Variants in CACUL1 observed in about 807,000 individuals in gnomAD.
CACUL1 encodes the protein CDK2-associated and cullin domain-containing protein 1.
CACUL1 carries 13 observed loss-of-function variants against 45.2 expected under a neutral mutation model. The observed-to-expected ratio is 0.29, with a 90% CI of 0.19 to 0.46. The LOEUF (loss-of-function observed/expected upper bound fraction) is 0.46, where lower values mean the gene tolerates loss of function less well. Among genes scored for constraint, CACUL1 ranks in the 20% least tolerant of loss-of-function variants. CACUL1 has a pLI of 1.00. For synonymous variants in CACUL1, 197 were observed against 174.2 expected, an observed-to-expected ratio of 1.13 and a Z score of -1.03; for missense variants, 421 against 471.4, an observed-to-expected ratio of 0.89 and a Z score of 0.99.
In CACUL1 at chr10:118,683,389, C is replaced by CAAAAAAAAAAA. The variant is rs34473974; in HGVS notation, c.*2728_*2738dup. 2 of 105,714 alleles carry CAAAAAAAAAAA rather than the reference C, an allele frequency of 1.9e-5. No homozygotes were observed. Among genetic ancestry groups the CAAAAAAAAAAA allele is most frequent in the Admixed American group, 1.1e-4 (1 of 9,378 alleles). The allele number at this position is 105,714 out of a possible 1,614,324, so 6.5% of individuals were successfully genotyped here. ...ACCATATACTGTACTGGCAAGAATA[C>CAAAAAAAAAAA]AAAAAAAAAAAAAAAAAAGGCCAGG... On this transcript the variant is annotated 3_prime_UTR_variant, in exon 9 of 9. Coordinates refer to ENST00000369151, the MANE Select transcript of CACUL1 (RefSeq NM_153810.5).
At chr10:118,744,144 G>A (rs1468575888) in intron 1 of CACUL1, among the ~76,000 whole-genome samples, 2 of 152,156 alleles carry the variant, frequency 1.3e-5, no homozygotes, top group African/African-American at 4.8e-5. Flanking sequence ...CTAGCACTTT[G>A]GGAGGCCGAG....
intron 3 of CACUL1, among the ~76,000 whole-genome samples, chr10:118,717,170 C>T (rs1845554801): frequency 6.6e-6 from 1 of 152,156 alleles, no homozygotes; most frequent in Admixed American, 6.6e-5. Context: ...AACCCTACAC[C>T]TTAAGCCTCT....
At chr10:118,701,685 A>G (rs1262468478) in intron 4 of CACUL1, among the ~76,000 whole-genome samples, 8 of 152,218 alleles carry the variant, frequency 5.3e-5, no homozygotes, top group Admixed American at 5.2e-4. Context: ...TTGTAGAATC[A>G]CACTGTGTGG....
chr10:118,704,284 C>A (rs1373923383), intron 4 of CACUL1, among the ~76,000 whole-genome samples: 3 of 152,148 alleles, frequency 2.0e-5, no homozygotes, highest in Non-Finnish European at 4.4e-5. Flanking sequence ...TCTGAAATGT[C>A]ACCTTTCTAC....
chr10:118,740,437 C>A (rs188581127), intron 1 of CACUL1, among the ~76,000 whole-genome samples: 329 of 151,970 alleles, frequency 2.2e-3, no homozygotes, highest in Non-Finnish European at 3.8e-3. Context: ...TGGCAAAACC[C>A]CATCTCTACT....
At chr10:118,745,956 G>A (rs544119920) in intron 1 of CACUL1, among the ~76,000 whole-genome samples, 4 of 149,852 alleles carry the variant, frequency 2.7e-5, no homozygotes, top group Non-Finnish European at 5.9e-5. Flanking sequence ...GGCTAATACG[G>A]TGAAACCCCA....
intron 3 of CACUL1, among the ~76,000 whole-genome samples, chr10:118,712,061 CAAG>C (rs1167765518): frequency 6.6e-6 from 1 of 152,232 alleles, no homozygotes; most frequent in African/African-American, 2.4e-5. Context: ...CCTGAACAAG[CAAG>C]CTTTGCTTTT....
chr10:118,704,164 A>C (rs1219659185), intron 4 of CACUL1, among the ~76,000 whole-genome samples: 1 of 151,680 alleles, frequency 6.6e-6, no homozygotes, highest in Non-Finnish European at 1.5e-5. Context: ...GCCAAGGTGG[A>C]TGGATGTTAC....
At chr10:118,747,186 G>C (rs1845850925) in intron 1 of CACUL1, among the ~76,000 whole-genome samples, 1 of 152,174 alleles carries the variant, frequency 6.6e-6, no homozygotes, top group Admixed American at 6.5e-5. Context: ...ACTGGTCCCT[G>C]GTGGGGACCG....
chr10:118,745,045 T>C (rs1317157355), intron 1 of CACUL1, among the ~76,000 whole-genome samples: 2 of 152,180 alleles, frequency 1.3e-5, no homozygotes, highest in Non-Finnish European at 2.9e-5. Context: ...AAAGTTAAAA[T>C]GTACAACAAT....
chr10:118,709,110 AAAGT>A lies in CACUL1; in HGVS notation c.598-1527_598-1524del, dbSNP rs200412990. ...ATCATTTATACTGTATTCTTACAATAAAGTAAGCTGGAGAATATTAACAAAATCA... is the reference window on the plus strand; with the variant it reads ...ATCATTTATACTGTATTCTTACAATAAAGCTGGAGAATATTAACAAAATCA... On this transcript the variant is annotated intron_variant, in intron 3 of 8. Coordinates refer to ENST00000369151, the MANE Select transcript of CACUL1 (RefSeq NM_153810.5). Among the ~76,000 whole-genome samples the A allele has an allele frequency of 7.9e-3, 1,211 of 152,354 alleles. 8 individuals are homozygous for A. Among genetic ancestry groups the A allele is most frequent in the African/African-American group, 0.028 (1,169 of 41,570 alleles).
chr10:118,717,487 G>T (rs1023530729), intron 3 of CACUL1, among the ~76,000 whole-genome samples: 1 of 152,096 alleles, frequency 6.6e-6, no homozygotes, highest in Non-Finnish European at 1.5e-5. Flanking sequence ...CACTCTTATG[G>T]TAAGAAAAAG....
rs966161842 is a variant in CACUL1 at position 118,677,689 on chromosome 10, T to C, written c.*8439A>G. 5 of 152,224 alleles carry C rather than the reference T, an allele frequency of 3.3e-5. No individual in the cohort carries two copies. The highest frequency in any genetic ancestry group is 6.5e-5 in the Admixed American group (1 of 15,276). The allele number at this position is 152,224 out of a possible 1,614,324, so 9.4% of individuals were successfully genotyped here. A position where few individuals can be genotyped will look rare whatever the true frequency, so the allele number is the denominator to read the frequency against. On this transcript the variant is annotated 3_prime_UTR_variant, in exon 9 of 9. Transcript: ENST00000369151. Reference sequence around the variant, plus strand: ...GATGCATCCATGTTGAAGCCCGCAGTGGTATGATGCCTTGACCACTCTAGA... The same window carrying C: ...GATGCATCCATGTTGAAGCCCGCAGCGGTATGATGCCTTGACCACTCTAGA...
intron 1 of CACUL1, among the ~76,000 whole-genome samples, chr10:118,750,618 T>C (rs1046790806): frequency 1.3e-5 from 2 of 152,196 alleles, no homozygotes; most frequent in African/African-American, 4.8e-5. Flanking sequence ...TTCACTGCCA[T>C]AGCTGAGGGA....
intron 3 of CACUL1, among the ~76,000 whole-genome samples, chr10:118,719,807 G>A (rs1438701907): frequency 2.0e-5 from 3 of 147,946 alleles, no homozygotes; most frequent in African/African-American, 5.0e-5. Context: ...GCTAAATTCC[G>A]TCTCAAAAAA....
intron 1 of CACUL1, among the ~76,000 whole-genome samples, chr10:118,730,666 T>A (rs1845690152): frequency 6.6e-6 from 1 of 152,166 alleles, no homozygotes; most frequent in South Asian, 2.1e-4. Flanking sequence ...AAACAAGCAA[T>A]CATCACTGGC....
intron 1 of CACUL1, among the ~76,000 whole-genome samples, chr10:118,746,044 C>T (rs1442040489): frequency 2.7e-5 from 4 of 150,746 alleles, no homozygotes; most frequent in African/African-American, 9.7e-5. Context: ...CCCAGCTACT[C>T]AGGAGGCTGA....
chr10:118,705,193 CTT>C (rs1385059407), intron 4 of CACUL1, among the ~76,000 whole-genome samples: 1 of 152,072 alleles, frequency 6.6e-6, no homozygotes, highest in Non-Finnish European at 1.5e-5. Context: ...GTATTTTCCC[CTT>C]TTTAAATTAA....
At chr10:118,696,643 A>AT (rs1845326349) in intron 5 of CACUL1, among the ~76,000 whole-genome samples, 1 of 152,222 alleles carries the variant, frequency 6.6e-6, no homozygotes, top group Admixed American at 6.5e-5. Flanking sequence ...ACACTATCTA[A>AT]TAAAAAAAAA....
Sources: allele counts gnomAD v4.1 joint callset (sites outside exome capture counted in the v4.1 genomes callset), GRCh38; gene constraint gnomAD v4.1.1; transcripts MANE v1.5; gene names NCBI Gene and HGNC (gene_info 2026-07-23, HGNC 2026-07-21).